The following ABCA1 variants were observed in gnomAD, a reference collection of about 807,000 sequenced individuals.
ABCA1 encodes the protein ATP binding cassette subfamily A member 1.
Under a neutral mutation model 262.5 loss-of-function variants are expected in ABCA1, and 133 were observed. The ratio of observed to expected loss-of-function variants is 0.51; its 90% confidence interval spans 0.44 to 0.59. The LOEUF (loss-of-function observed/expected upper bound fraction) is 0.59. Among genes scored for constraint, ABCA1 ranks in the 20% least tolerant of loss-of-function variants. The pLI is 0.00. For synonymous variants in ABCA1, 1,022 were observed against 1,043.5 expected, an observed-to-expected ratio of 0.98 and a Z score of 0.40; for missense variants, 2,452 against 2,777.5, an observed-to-expected ratio of 0.88 and a Z score of 2.63.
intron 3 of ABCA1, among the ~76,000 whole-genome samples, chr9:104,887,599 A>G (rs1341827485): frequency 6.6e-6 from 1 of 152,202 alleles, no homozygotes; most frequent in Non-Finnish European, 1.5e-5. Context: ...GGTGCTTGGC[A>G]TAATGCTTAA....
chr9:104,827,116 G>A lies in ABCA1; in HGVS notation c.2169C>T (p.Ser723=), dbSNP rs143933174. The change falls in exon 16 of 50, where the codon TCC becomes TCT. Residue 723 remains serine (S), a synonymous_variant. Transcript: ENST00000374736. Reference sequence around the variant, plus strand: ...GCAGGATTGTCACCACAGCAAACACGGACAGGAAGACAAACACCACGCTGG... The same window carrying A: ...GCAGGATTGTCACCACAGCAAACACAGACAGGAAGACAAACACCACGCTGG... ...SDPSVVFVFL[S]VFAVVTILQC... 3.6e-4 allele frequency: 575 copies of A among 1,614,130 alleles called. 1 individual carries two copies. Among genetic ancestry groups the A allele is most frequent in the South Asian group, 1.5e-4 (14 of 91,086 alleles).
chr9:104,883,809 T>C (rs1272500664), intron 4 of ABCA1, among the ~76,000 whole-genome samples: 2 of 152,238 alleles, frequency 1.3e-5, no homozygotes, highest in African/African-American at 2.4e-5. Context: ...ATCACGGTCC[T>C]GTGCATTTGA....
chr9:104,822,676 G>A lies in ABCA1; in HGVS notation c.2657-9C>T, dbSNP rs1172351959. On this transcript the variant is annotated splice_polypyrimidine_tract_variant and intron_variant, in intron 18 of 49. Transcript: ENST00000374736. ...TTCCTCCTCCATGCAGACTGTGACA[G>A]GAGAGAAGACAGAAATGAACCCACA... is the stretch of plus-strand genomic sequence containing the variant. The A allele has an allele frequency of 1.2e-6, 2 of 1,613,834 alleles. No individual in the cohort carries two copies. The highest frequency in any genetic ancestry group is 4.5e-5 in the East Asian group (2 of 44,888).
intron 7 of ABCA1, among the ~76,000 whole-genome samples, chr9:104,850,248 C>T (rs1040369396): frequency 3.9e-5 from 6 of 152,104 alleles, no homozygotes; most frequent in Admixed American, 1.3e-4. Context: ...CAGTCTCTCA[C>T]GTAGCTGGGA....
At chr9:104,879,685 A>G (rs1395457530) in intron 5 of ABCA1, among the ~76,000 whole-genome samples, 2 of 152,246 alleles carry the variant, frequency 1.3e-5, no homozygotes, top group African/African-American at 4.8e-5. Flanking sequence ...ATTTTGTTTG[A>G]GTGCACATGG....
At chr9:104,878,514 T>C (rs1838340892) in intron 5 of ABCA1, among the ~76,000 whole-genome samples, 1 of 152,160 alleles carries the variant, frequency 6.6e-6, no homozygotes, top group African/African-American at 2.4e-5. Flanking sequence ...GGTTTAGCCG[T>C]GATTTATTCC....
intron 3 of ABCA1, among the ~76,000 whole-genome samples, chr9:104,888,058 GGTGTGTGTGTGTGTGTGTGT>G (rs10693809): frequency 7.1e-6 from 1 of 140,304 alleles, no homozygotes; most frequent in Non-Finnish European, 1.5e-5. Context: ...TTTCTTGAGG[GGTGTGTGTGTGTGTGTGTGT>G]GTGTGTGTGT....
intron 15 of ABCA1, 69 bp from the exon 16 acceptor site, chr9:104,827,238 GA>G (rs1330286927): frequency 7.5e-7 from 1 of 1,338,468 alleles, no homozygotes; most frequent in Non-Finnish European, 1.1e-6. Context: ...ATGATCTACA[GA>G]AAAAAGACAG....
chr9:104,802,199 T>C, intron 33 of ABCA1, 40 bp from the exon 34 acceptor site: 1 of 1,551,232 alleles, frequency 6.4e-7, no homozygotes, highest in Non-Finnish European at 8.9e-7. Context: ...GACAGTGGGG[T>C]GCACAGTATC....
Position 104,820,173 on chromosome 9 carries a change from G to A in ABCA1, c.2961-104C>T, listed in dbSNP as rs150150005. On this transcript the variant is annotated intron_variant, in intron 20 of 49. Transcript: ENST00000374736. The stretch of plus-strand genomic sequence containing the variant: ...AGAATGGGCATATTTTTCTCTCCCC[G>A]TGCTTTTTAAAATAACTTTATCAAT... The A allele has an allele frequency of 3.3e-3, 4,705 of 1,431,600 alleles. 21 individuals carry two copies. Among genetic ancestry groups the A allele is most frequent in the Non-Finnish European group, 3.2e-3 (3,326 of 1,025,694 alleles). 88.7% of individuals were successfully genotyped at this position (1,431,600 alleles called of 1,614,324 possible). A position where few individuals can be genotyped will look rare whatever the true frequency, so the allele number is the denominator to read the frequency against.
Position 104,858,553 on chromosome 9 carries a change from C to A in ABCA1, c.689G>T (p.Arg230Leu). The change falls in exon 7 of 50, where the codon CGT becomes CTT. Residue 230 changes from arginine to leucine, a missense_variant. Arg to Leu is a moderately radical substitution (Grantham distance 102). Around this residue, in one of 4 missense-constraint regions of ABCA1, gnomAD observed 1,032 missense variants for 1,089.7 expected, o/e 0.95. Coordinates refer to ENST00000374736, the MANE Select transcript of ABCA1 (RefSeq NM_005502.4). ...TGGCTTCAGGATGTCCATGTTGGAA[C>A]GAAGTACTCGCTCTGCTGCAGCCAG... is the stretch of plus-strand genomic sequence containing the variant. ...EKLAAAERVLRSNMDILKPIL... is the reference protein window; with the variant it reads ...EKLAAAERVLLSNMDILKPIL... 6.8e-6 allele frequency: 11 copies of A among 1,614,088 alleles called. No homozygotes were observed. Among genetic ancestry groups the A allele is most frequent in the Non-Finnish European group, 9.3e-6 (11 of 1,180,032 alleles).
chr9:104,900,679 C>G (rs1840596228), intron 2 of ABCA1, among the ~76,000 whole-genome samples: 1 of 152,190 alleles, frequency 6.6e-6, no homozygotes. Flanking sequence ...GTAGGGCCAC[C>G]AGGAGACTGG....
chr9:104,913,536 T>C (rs936684143), intron 1 of ABCA1, among the ~76,000 whole-genome samples: 1 of 152,192 alleles, frequency 6.6e-6, no homozygotes, highest in Non-Finnish European at 1.5e-5. Flanking sequence ...ATTAAAGGAA[T>C]CTCTTTTCTG....
At chr9:104,784,576 G>T (rs1828743685) in intron 49 of ABCA1, 121 bp from the exon 50 acceptor site, 5 of 1,158,206 alleles carry the variant, frequency 4.3e-6, no homozygotes, top group Admixed American at 2.0e-5. Context: ...TTACATAAAT[G>T]GATTAACTAG....
intron 13 of ABCA1, 70 bp from the exon 14 acceptor site, chr9:104,831,171 T>C: frequency 9.6e-7 from 1 of 1,040,284 alleles, no homozygotes; most frequent in Non-Finnish European, 1.4e-6. Context: ...AAAAAAAAAA[T>C]TGCCCAAAAC....
Position 104,920,589 on chromosome 9 carries a change from G to A in ABCA1, c.-93+7346C>T, listed in dbSNP as rs150945834. ...TGCAGTGGCACCATCTCGGCTCACT[G>A]CAATCTCTGCCTCCTGGGTTCAAGC... On this transcript the variant is annotated intron_variant, in intron 1 of 49. Coordinates refer to ENST00000374736, the MANE Select transcript of ABCA1 (RefSeq NM_005502.4). Among the ~76,000 whole-genome samples the A allele has an allele frequency of 1.6e-3, 245 of 152,290 alleles. 2 individuals are homozygous for A. The Middle Eastern group carries it at 0.017, about 11-fold the overall frequency.
chr9:104,874,067 G>A (rs1837881129), intron 5 of ABCA1, among the ~76,000 whole-genome samples: 1 of 152,142 alleles, frequency 6.6e-6, no homozygotes, highest in African/African-American at 2.4e-5. Context: ...CTGCTCCCTG[G>A]AGCTCACGTC....
rs557626075 is a variant in ABCA1 at position 104,882,028 on chromosome 9, TAAAAAAAA to T, written c.421+1003_421+1010del. ...CAAGGAAAGCACAGTTCTGTAGCCT[TAAAAAAAA>T]AAAAAAAAAAAAAAAAAAAAACTCA... On this transcript the variant is annotated intron_variant, in intron 5 of 49. Coordinates refer to ENST00000374736, the MANE Select transcript of ABCA1 (RefSeq NM_005502.4). Among the ~76,000 whole-genome samples, 356 of 73,736 alleles carry T rather than the reference TAAAAAAAA, an allele frequency of 4.8e-3. 6 individuals are homozygous for T. The highest frequency in any genetic ancestry group is 0.011 in the Admixed American group (61 of 5,510). 48.4% of individuals were successfully genotyped at this position (73,736 alleles called of 152,430 possible).
chr9:104,823,625 A>C lies in ABCA1; in HGVS notation c.2656+840T>G, dbSNP rs374066263. Among the ~76,000 whole-genome samples the C allele has an allele frequency of 5.9e-5, 9 of 152,288 alleles. No homozygotes were observed. In the East Asian group the frequency reaches 1.2e-3, roughly 20 times the overall value. On this transcript the variant is annotated intron_variant, in intron 18 of 49. Transcript: ENST00000374736. ...CTCAGGGGAGGGGATCCGGAACTAG[A>C]TCTTGGAGAGAAAGGAGGAGTTGAG...
Sources: allele counts gnomAD v4.1 joint callset (sites outside exome capture counted in the v4.1 genomes callset), GRCh38; gene constraint gnomAD v4.1.1; regional missense constraint gnomAD v4.1.1; transcripts MANE v1.5; gene names NCBI Gene and HGNC (gene_info 2026-07-23, HGNC 2026-07-21).